Variants in TSPAN11 observed in about 807,000 individuals in gnomAD.
TSPAN11 encodes tetraspanin 11.
A neutral mutation model predicts 32.9 loss-of-function variants in TSPAN11; 29 were observed. That is an observed-to-expected ratio of 0.88 (90% CI 0.66 to 1.20). The LOEUF is 1.20. Among genes scored for constraint, TSPAN11 ranks in the 50% most tolerant of loss-of-function variants. The probability of loss-of-function intolerance (pLI) is 0.00; values close to 1 mark genes in which losing one functional copy is unlikely to be tolerated. For missense variants in TSPAN11, 283 were observed against 329.1 expected (o/e 0.86, Z 1.08); for synonymous variants, 140 against 141.3 (o/e 0.99, Z 0.07).
chr12:31,001,471 G>T (rs959922616), downstream of TSPAN11, among the ~76,000 whole-genome samples: 4 of 152,112 alleles, frequency 2.6e-5, no homozygotes, highest in African/African-American at 7.2e-5. Flanking sequence ...ACTCTTCTGG[G>T]GCCCCTACTG....
rs924587912 is a variant in TSPAN11 at position 30,981,416 on chromosome 12, C to T, written c.457-1116C>T. ...CTTTATATGAATCACCTCTTTCAGT[C>T]CTTACAACAGCATGGCATGGAGGTA... On this transcript the variant is annotated intron_variant, in intron 5 of 7. Coordinates refer to ENST00000546076, the MANE Select transcript of TSPAN11 (RefSeq NM_001370302.1). Among the ~76,000 whole-genome samples the T allele has an allele frequency of 3.3e-5, 5 of 152,320 alleles. No individual in the cohort carries two copies. In the South Asian group the frequency reaches 1.0e-3, roughly 32 times the overall value.
At chr12:30,969,690 G>A (rs73091919) in intron 3 of TSPAN11, among the ~76,000 whole-genome samples, 13,393 of 152,136 alleles carry the variant, frequency 0.088, 672 homozygotes, top group Non-Finnish European at 0.12. Context: ...ACCTCCCTCC[G>A]ATTTTCTGCA....
chr12:30,950,187 G>T (rs1374853650), intron 1 of TSPAN11, among the ~76,000 whole-genome samples: 2 of 151,864 alleles, frequency 1.3e-5, no homozygotes, highest in Non-Finnish European at 2.9e-5. Context: ...CCTGAGCTTG[G>T]CATGTAAGGT....
intron 1 of TSPAN11, among the ~76,000 whole-genome samples, chr12:30,952,691 G>GTTGGAAATA (rs1294421047): frequency 6.6e-6 from 1 of 152,164 alleles, no homozygotes; most frequent in African/African-American, 2.4e-5. Flanking sequence ...CCAGTTGGGG[G>GTTGGAAATA]TTGGAAATAA....
At chr12:30,942,588 A>C (rs1036804815) in intron 1 of TSPAN11, among the ~76,000 whole-genome samples, 1 of 152,232 alleles carries the variant, frequency 6.6e-6, no homozygotes, top group Non-Finnish European at 1.5e-5. Context: ...AGAAAAAGAA[A>C]CACAGGTAGC....
chr12:30,968,412 G>A (rs1476268503), intron 3 of TSPAN11, among the ~76,000 whole-genome samples: 3 of 152,224 alleles, frequency 2.0e-5, no homozygotes, highest in East Asian at 1.9e-4. Flanking sequence ...GGACGTGGCC[G>A]TCGGGGACAG....
intron 1 of TSPAN11, among the ~76,000 whole-genome samples, chr12:30,940,296 T>C (rs1334489850): frequency 6.6e-6 from 1 of 152,220 alleles, no homozygotes; most frequent in East Asian, 1.9e-4. Context: ...CATGGCTCCT[T>C]AATGCATTCC....
At chr12:31,006,975 G>A in the TSPAN11 span, among the ~76,000 whole-genome samples, 4 of 152,154 alleles carry the variant, frequency 2.6e-5, no homozygotes, top group African/African-American at 7.2e-5. Context: ...GCACTTGCAC[G>A]CTGCTTAGGA....
intron 1 of TSPAN11, among the ~76,000 whole-genome samples, chr12:30,947,519 G>T (rs1231248218): frequency 3.9e-5 from 6 of 152,202 alleles, no homozygotes. Context: ...TCAGAATCAT[G>T]GCAGGAGGCA....
the TSPAN11 span, among the ~76,000 whole-genome samples, chr12:31,010,935 G>T: frequency 6.6e-6 from 1 of 152,164 alleles, no homozygotes; most frequent in Non-Finnish European, 1.5e-5. Context: ...GAACAGAGGG[G>T]TTAGGAGAGC....
chr12:30,973,778 T>G (rs1200363324), intron 3 of TSPAN11, among the ~76,000 whole-genome samples: 1 of 152,226 alleles, frequency 6.6e-6, no homozygotes, highest in Non-Finnish European at 1.5e-5. Flanking sequence ...GACTTTTGTA[T>G]AATAATTCAA....
chr12:30,974,350 C>T (rs1223334341), intron 3 of TSPAN11, among the ~76,000 whole-genome samples: 1 of 152,258 alleles, frequency 6.6e-6, no homozygotes, highest in Non-Finnish European at 1.5e-5. Flanking sequence ...GACTGCCCTG[C>T]ACCCAGTGGG....
intron 2 of TSPAN11, among the ~76,000 whole-genome samples, chr12:30,958,775 G>A (rs576553701): frequency 2.0e-5 from 3 of 152,244 alleles, no homozygotes; most frequent in African/African-American, 7.2e-5. Flanking sequence ...TGATCCTGGG[G>A]CAGGGGCAGG....
chr12:30,951,681 AGGG>A lies in TSPAN11; in HGVS notation c.-11-2299_-11-2297del, dbSNP rs1281175578. On this transcript the variant is annotated intron_variant, in intron 1 of 7. Coordinates refer to ENST00000546076, the MANE Select transcript of TSPAN11 (RefSeq NM_001370302.1). ...AGTGTTCCATAAATACTAGCTACAC[AGGG>A]AGGTTAAATAACTTGCCCAAGGTCA... 4.0e-4 allele frequency among the ~76,000 whole-genome samples: 61 copies of A among 152,334 alleles called. 1 individual carries two copies. Among genetic ancestry groups the A allele is most frequent in the Middle Eastern group, 6.8e-3 (2 of 294 alleles).
intron 7 of TSPAN11, among the ~76,000 whole-genome samples, chr12:30,985,143 G>A (rs991227145): frequency 6.6e-6 from 1 of 152,070 alleles, no homozygotes; most frequent in Non-Finnish European, 1.5e-5. Context: ...AGGAGGGTCC[G>A]TCGCCTCTGG....
At chr12:30,961,863 C>T (rs986962559) in intron 2 of TSPAN11, among the ~76,000 whole-genome samples, 4 of 152,028 alleles carry the variant, frequency 2.6e-5, no homozygotes, top group Admixed American at 6.5e-5. Flanking sequence ...AAAAGAATTC[C>T]GTGCAGGATA....
intron 1 of TSPAN11, among the ~76,000 whole-genome samples, chr12:30,933,239 G>A (rs1392816343): frequency 6.7e-6 from 1 of 149,942 alleles, no homozygotes; most frequent in African/African-American, 2.4e-5. Context: ...TAACTGGGCA[G>A]AGGAGGACAC....
chr12:30,931,620 C>A (rs1238809525), intron 1 of TSPAN11, among the ~76,000 whole-genome samples: 1 of 152,118 alleles, frequency 6.6e-6, no homozygotes, highest in East Asian at 1.9e-4. Flanking sequence ...TGGCTCATGC[C>A]TGTAATCCCA....
intron 3 of TSPAN11, among the ~76,000 whole-genome samples, chr12:30,977,472 G>T (rs367548368): frequency 4.4e-4 from 67 of 152,278 alleles, no homozygotes; most frequent in African/African-American, 1.2e-3. Flanking sequence ...CAGCCTGGGT[G>T]GCAGGTGCTC....
Sources: gnomAD v4.1 joint callset for allele counts (sites outside exome capture counted in the v4.1 genomes callset) on GRCh38, gnomAD v4.1.1 for gene constraint, MANE v1.5 for transcripts, NCBI Gene and HGNC (gene_info 2026-07-23, HGNC 2026-07-21) for gene names.